TTC1: variants seen among roughly 807,000 people sequenced by gnomAD.
TTC1 encodes tetratricopeptide repeat protein 1.
Under a neutral mutation model 37.6 loss-of-function variants are expected in TTC1, and 31 were observed. That is an observed-to-expected ratio of 0.82 (90% CI 0.62 to 1.11). TTC1 has a LOEUF of 1.11. TTC1 is among the 50% of genes most tolerant of loss of function. The pLI is 0.00. For missense variants in TTC1, 351 were observed against 339.0 expected, an observed-to-expected ratio of 1.04 and a Z score of -0.28; for synonymous variants, 127 against 122.4, an observed-to-expected ratio of 1.04 and a Z score of -0.25.
At chr5:160,040,012 T>C (rs1757059920) in intron 4 of TTC1, among the ~76,000 whole-genome samples, 1 of 152,218 alleles carries the variant, frequency 6.6e-6, no homozygotes, top group Non-Finnish European at 1.5e-5. Flanking sequence ...GATTTCATCA[T>C]TGTGCAAACA....
intron 6 of TTC1, among the ~76,000 whole-genome samples, chr5:160,050,628 T>A (rs1029356448): frequency 9.3e-5 from 1 of 10,794 alleles, no homozygotes; most frequent in African/African-American, 2.6e-4. Context: ...CAAACAAAAC[T>A]TTTTTTTTTT....
At chr5:160,036,626 C>T in intron 3 of TTC1, 65 bp from the exon 4 acceptor site, 1 of 1,110,890 alleles carries the variant, frequency 9.0e-7, no homozygotes, top group Admixed American at 1.7e-5. Context: ...TTCTGAGATC[C>T]TGTGGAATAT....
At chr5:160,035,282 C>A in intron 3 of TTC1, 82 bp downstream of exon 3, 2 of 1,199,660 alleles carry the variant, frequency 1.7e-6, no homozygotes, top group Non-Finnish European at 2.3e-6. Flanking sequence ...CCCCAAAGAA[C>A]ATCTGAAGAA....
At chr5:160,029,014 C>G (rs887902427) in intron 2 of TTC1, among the ~76,000 whole-genome samples, 8 of 152,108 alleles carry the variant, frequency 5.3e-5, no homozygotes, top group African/African-American at 1.9e-4. Context: ...AGACTCTTGA[C>G]TGCAACAAAA....
Position 160,036,756 on chromosome 5 carries a change from G to T in TTC1, c.457G>T (p.Glu153Ter), listed in dbSNP as rs1467862392. The T allele has an allele frequency of 6.2e-7, 1 of 1,614,006 alleles. No individual in the cohort carries two copies. Among genetic ancestry groups the T allele is most frequent in the East Asian group, 2.2e-5 (1 of 44,878 alleles). The change falls in exon 4 of 8, where the codon GAG becomes TAG. Residue 153 changes from glutamate to a stop codon, truncating the protein, a stop_gained. Transcript: ENST00000231238. LOFTEE classifies it high-confidence loss of function. ...AATGTGCCCATCCTGCTTCCAAAAGGAGAGGTCGATTCTATTTTCAAATAG... is the reference window on the plus strand; with the variant it reads ...AATGTGCCCATCCTGCTTCCAAAAGTAGAGGTCGATTCTATTTTCAAATAG... The part of the protein sequence containing the change: ...LEMCPSCFQK[E>*]RSILFSNRAA...
intron 5 of TTC1, among the ~76,000 whole-genome samples, chr5:160,047,362 C>T (rs573393594): frequency 2.0e-5 from 3 of 152,258 alleles, no homozygotes; most frequent in South Asian, 2.1e-4. Flanking sequence ...ATTGTTCTTT[C>T]GTGTCACATG....
chr5:160,012,427 T>A (rs1296708036), intron 2 of TTC1, among the ~76,000 whole-genome samples: 3 of 152,032 alleles, frequency 2.0e-5, no homozygotes, highest in Non-Finnish European at 2.9e-5. Context: ...TGCAGTGATG[T>A]GATCACGGCT....
chr5:160,011,899 G>A (rs1281054307), intron 2 of TTC1, among the ~76,000 whole-genome samples: 21 of 152,164 alleles, frequency 1.4e-4, no homozygotes, highest in Admixed American at 1.4e-3. Flanking sequence ...AAGCCTAACA[G>A]TGGGGGTGGG....
intron 2 of TTC1, among the ~76,000 whole-genome samples, chr5:160,028,255 C>G (rs1037341395): frequency 6.8e-6 from 1 of 146,770 alleles, no homozygotes; most frequent in African/African-American, 2.5e-5. Flanking sequence ...GCCAAGATCA[C>G]ACCACTGCAC....
chr5:160,024,066 T>C (rs1267427596), intron 2 of TTC1: 8 of 1,099,798 alleles, frequency 7.3e-6, no homozygotes, highest in Non-Finnish European at 9.8e-6. Flanking sequence ...CTGGTTAGCA[T>C]GTAAGTGTGG....
Position 160,051,114 on chromosome 5 carries a change from T to G in TTC1, c.691-15T>G. The G allele has an allele frequency of 6.4e-7, 1 of 1,566,590 alleles. No individual in the cohort carries two copies. The highest frequency in any genetic ancestry group is 8.7e-7 in the Non-Finnish European group (1 of 1,152,670). On this transcript the variant is annotated splice_polypyrimidine_tract_variant and intron_variant, in intron 6 of 7. Transcript: ENST00000231238. ...TTTTTTTTTTACCAACCCTTGTTTCTCCTCTTTTCCTCAGAGATTACCTAA... is the reference window on the plus strand; with the variant it reads ...TTTTTTTTTTACCAACCCTTGTTTCGCCTCTTTTCCTCAGAGATTACCTAA...
chr5:160,051,269 GT>G, intron 7 of TTC1, 86 bp downstream of exon 7: 1 of 1,125,646 alleles, frequency 8.9e-7, no homozygotes, highest in Non-Finnish European at 1.3e-6. Context: ...GAACACATGA[GT>G]TAGAAAGTTT....
chr5:160,031,366 C>T (rs375201309), intron 2 of TTC1, among the ~76,000 whole-genome samples: 4 of 152,128 alleles, frequency 2.6e-5, no homozygotes, highest in South Asian at 2.1e-4. Context: ...AATCCCAGAA[C>T]TTTGGGAGGC....
intron 2 of TTC1, among the ~76,000 whole-genome samples, chr5:160,016,160 T>A (rs1205492970): frequency 6.6e-6 from 1 of 152,144 alleles, no homozygotes; most frequent in Non-Finnish European, 1.5e-5. Context: ...GGCAGACCAC[T>A]CAAGACCAGG....
chr5:160,028,691 G>T (rs1264953584), intron 2 of TTC1, among the ~76,000 whole-genome samples: 1 of 151,962 alleles, frequency 6.6e-6, no homozygotes, highest in African/African-American at 2.4e-5. Context: ...GCCCAGAATG[G>T]TCTAAACTCC....
At chr5:160,045,520 A>ACACACACACTCTCTCT (rs1202139318) in intron 5 of TTC1, among the ~76,000 whole-genome samples, 5 of 54,880 alleles carry the variant, frequency 9.1e-5, no homozygotes, top group Non-Finnish European at 1.6e-4. Context: ...ACACATACAC[A>ACACACACACTCTCTCT]CTCTCTCTCT....
intron 5 of TTC1, among the ~76,000 whole-genome samples, chr5:160,049,291 A>G (rs1257064421): frequency 6.6e-6 from 1 of 152,198 alleles, no homozygotes; most frequent in Admixed American, 6.5e-5. Flanking sequence ...CTACAATAGT[A>G]TCATTGAGGA....
chr5:160,011,205 CTG>C (rs1243212237), intron 2 of TTC1, among the ~76,000 whole-genome samples: 1 of 152,036 alleles, frequency 6.6e-6, no homozygotes, highest in Non-Finnish European at 1.5e-5. Context: ...GCTGAGATTT[CTG>C]TAATGAACAT....
chr5:160,030,999 A>T (rs1036671152), intron 2 of TTC1, among the ~76,000 whole-genome samples: 9 of 152,152 alleles, frequency 5.9e-5, no homozygotes, highest in Non-Finnish European at 8.8e-5. Context: ...CCTATACACT[A>T]TCTATCATAT....
Sources: gnomAD v4.1 joint callset for allele counts (sites outside exome capture counted in the v4.1 genomes callset) on GRCh38, gnomAD v4.1.1 for gene constraint, MANE v1.5 for transcripts, NCBI Gene and HGNC (gene_info 2026-07-23, HGNC 2026-07-21) for gene names.